Variants in PPP2R3B observed in about 807,000 individuals in gnomAD.
The protein encoded by PPP2R3B is protein phosphatase 2 regulatory subunit B''beta, also known as serine/threonine-protein phosphatase 2A regulatory subunit B'' subunit beta.
In PPP2R3B, 68 loss-of-function variants were observed where a neutral mutation model predicts 72.9. That is an observed-to-expected ratio of 0.93 (90% confidence interval 0.77 to 1.14). The LOEUF is 1.14. Ranked by LOEUF, PPP2R3B falls within the 50% of genes most tolerant of loss-of-function variation. The probability of loss-of-function intolerance (pLI) is 0.00; values close to 1 mark genes in which losing one functional copy is unlikely to be tolerated. For synonymous variants in PPP2R3B, 466 were observed against 375.8 expected (o/e 1.24, Z -2.78); for missense variants, 1,018 against 842.0 (o/e 1.21, Z -2.59).
At chrX:335,101 A>T (rs2070853815) in intron 12 of PPP2R3B, 1 of 152,360 alleles carries the variant, frequency 6.6e-6, no homozygotes, top group African/African-American at 2.4e-5. Flanking sequence ...CGCCCCCGAC[A>T]GCCTGGCACT....
At position 338,695 on chromosome X, in the gene PPP2R3B, C is replaced by G. The variant is rs745580578; in HGVS notation, c.1486G>C (p.Gly496Arg). ...TTCTCCCAGTCCGAGAGCTCGGGGC[C>G]GCCGCTGTCACCGTCCTGGAGGAAG... is the stretch of plus-strand genomic sequence containing the variant. ...ISLLRDGDSGGPELSDWEKYA... is the reference protein window; with the variant it reads ...ISLLRDGDSGRPELSDWEKYA... Residue 496 changes from glycine to arginine, a missense_variant, in exon 12 of 13, where the codon GGC (glycine) becomes CGC (arginine). Gly to Arg is a moderately radical substitution (Grantham distance 125). Transcript: ENST00000390665. 3 of 1,611,640 alleles carry G rather than the reference C, an allele frequency of 1.9e-6. No individual in the cohort carries two copies. Among genetic ancestry groups the G allele is most frequent in the African/African-American group, 2.7e-5 (2 of 74,904 alleles).
chrX:361,047 C>T (rs187760607), intron 2 of PPP2R3B, among the ~76,000 whole-genome samples: 1,683 of 152,264 alleles, frequency 0.011, 28 homozygotes, highest in African/African-American at 0.039. Context: ...GGGTGCAGAA[C>T]GGCCTCCGAG....
chrX:341,504 CCCT>C, intron 8 of PPP2R3B, 108 bp from the exon 9 acceptor site: 1 of 1,169,792 alleles, frequency 8.5e-7, no homozygotes, highest in South Asian at 1.3e-5. Flanking sequence ...CCGGGCCCGG[CCCT>C]CCTCCTGCCC....
Position 334,531 on chromosome X carries a change from A to C in PPP2R3B, c.1578-14T>G. The C allele has an allele frequency of 6.5e-7, 1 of 1,527,280 alleles. No homozygotes were observed. Among genetic ancestry groups the C allele is most frequent in the Non-Finnish European group, 8.7e-7 (1 of 1,144,618 alleles). The allele number at this position is 1,527,280 out of a possible 1,614,324, so 94.6% of individuals were successfully genotyped here. A position where few individuals can be genotyped will look rare whatever the true frequency, so the allele number is the denominator to read the frequency against. On this transcript the variant is annotated splice_polypyrimidine_tract_variant and intron_variant, in intron 12 of 12. Transcript: ENST00000390665. ...TCGGCCTCGAACCTGCAACGAGGGG[A>C]TGGCGAAGACGTGGCCAGCAGCGCG...
At chrX:385,005 A>AC (rs1288671749) in intron 1 of PPP2R3B, among the ~76,000 whole-genome samples, 2 of 150,650 alleles carry the variant, frequency 1.3e-5, no homozygotes, top group Admixed American at 6.6e-5. Flanking sequence ...AAAAAAAAAA[A>AC]ACTGATTGCA....
intron 5 of PPP2R3B, 154 bp from the exon 6 acceptor site, chrX:346,414 A>T: frequency 1.4e-6 from 1 of 733,048 alleles, no homozygotes; most frequent in Non-Finnish European, 2.2e-6. Context: ...GCCCTGCGGG[A>T]GGCGCCGCCC....
In PPP2R3B at chrX:354,225, GACCGGGGGCTCACCCAAAC is replaced by G. The variant is rs1297116002; in HGVS notation, c.511-6551_511-6533del. ...CCCAGGGACCGGGGGCTCACCCAGG[GACCGGGGGCTCACCCAAAC>G]ACTGGGGGCTCACCCAAACACCAGG... On this transcript the variant is annotated intron_variant, in intron 2 of 12. Coordinates refer to ENST00000390665, the MANE Select transcript of PPP2R3B (RefSeq NM_013239.5). Among the ~76,000 whole-genome samples, 55 of 139,932 alleles carry G rather than the reference GACCGGGGGCTCACCCAAAC, an allele frequency of 3.9e-4. 1 individual carries two copies. The highest frequency in any genetic ancestry group is 1.4e-3 in the African/African-American group (53 of 37,418). 91.8% of individuals were successfully genotyped at this position (139,932 alleles called of 152,430 possible). A position where few individuals can be genotyped will look rare whatever the true frequency, so the allele number is the denominator to read the frequency against.
At chrX:383,633 C>A (rs1167040280) in intron 1 of PPP2R3B, among the ~76,000 whole-genome samples, 1 of 151,712 alleles carries the variant, frequency 6.6e-6, no homozygotes, top group Non-Finnish European at 1.5e-5. Flanking sequence ...GTCAGGAGAT[C>A]AAGACCATCC....
chrX:379,029 C>CTG (rs761802799), intron 1 of PPP2R3B, among the ~76,000 whole-genome samples: 2 of 151,854 alleles, frequency 1.3e-5, no homozygotes, highest in Non-Finnish European at 2.9e-5. Flanking sequence ...GTACATGCAC[C>CTG]TGTGTGTGTG....
rs749540181 is a variant in PPP2R3B at position 378,909 on chromosome X, C to T, written c.324+7459G>A. Among the ~76,000 whole-genome samples the T allele has an allele frequency of 3.3e-5, 5 of 152,334 alleles. No homozygotes were observed. The East Asian group carries it at 7.7e-4, about 23-fold the overall frequency. ...CCTGGGCAAGCTCAAGGCTCCCGCA[C>T]GAAACCTTCAGAAACCCTGAGCTCC... On this transcript the variant is annotated intron_variant, in intron 1 of 12. Transcript: ENST00000390665.
intron 8 of PPP2R3B, chrX:341,652 C>T: frequency 1.5e-6 from 1 of 650,658 alleles, no homozygotes; most frequent in Non-Finnish European, 2.7e-6. Context: ...GACAAGAACC[C>T]CCGACCTGGG....
rs375036693 is a variant in PPP2R3B at position 346,169 on chromosome X, C to G, written c.879+5G>C. On this transcript the variant is annotated splice_donor_5th_base_variant and intron_variant, in intron 6 of 12. Coordinates refer to ENST00000390665, the MANE Select transcript of PPP2R3B (RefSeq NM_013239.5). ...GGGGGCAGGGGACAGGGGGCCGCTC[C>G]GCACCTGCAGGAAGGAGCTCCTCCG... The G allele has an allele frequency of 1.1e-4, 170 of 1,551,896 alleles. No homozygotes were observed. The highest frequency in any genetic ancestry group is 3.1e-5 in the Non-Finnish European group (36 of 1,151,538).
In PPP2R3B at chrX:386,602, C is replaced by A. The variant is rs2072259500; in HGVS notation, c.90G>T (p.Arg30=). Residue 30 remains arginine, a synonymous_variant, in exon 1 of 13, where the codon CGG becomes CGT. Transcript: ENST00000390665. ...LYWLSEASTQ[R]MLQDCLRRIK... Reference sequence around the variant, plus strand: ...TCCGGCGCAGGCAGTCCTGCAGCATCCGCTGCGTGCTGGCCTCGCTGAGCC... The same window carrying A: ...TCCGGCGCAGGCAGTCCTGCAGCATACGCTGCGTGCTGGCCTCGCTGAGCC... The A allele has an allele frequency of 2.1e-6, 3 of 1,448,876 alleles. No individual in the cohort carries two copies. Among genetic ancestry groups the A allele is most frequent in the Non-Finnish European group, 2.7e-6 (3 of 1,101,648 alleles). The allele number at this position is 1,448,876 out of a possible 1,614,324, so 89.8% of individuals were successfully genotyped here.
chrX:346,484 G>C, intron 5 of PPP2R3B: 1 of 629,606 alleles, frequency 1.6e-6, no homozygotes, highest in Non-Finnish European at 2.7e-6. Context: ...ACGGGCCCAG[G>C]ACAGGTGGGA....
chrX:375,665 C>T (rs187018150), intron 1 of PPP2R3B, among the ~76,000 whole-genome samples: 27 of 152,384 alleles, frequency 1.8e-4, no homozygotes, highest in Non-Finnish European at 3.4e-4. Flanking sequence ...TACACACGGA[C>T]GGCCTCCCAA....
intron 1 of PPP2R3B, among the ~76,000 whole-genome samples, chrX:364,303 C>T (rs1251170609): frequency 6.6e-6 from 1 of 151,978 alleles, no homozygotes; most frequent in African/African-American, 2.4e-5. Flanking sequence ...GGGGAGTTCT[C>T]CCCCGAGAAC....
rs183574176 is a variant in PPP2R3B, at chrX:341,291, C to T, written c.1175+16G>A. The T allele has an allele frequency of 6.5e-4, 1,049 of 1,612,182 alleles. 6 individuals are homozygous for T. In the African/African-American group the frequency reaches 0.01, roughly 16 times the overall value. ...CCCCTCCACTGGGACAAACGCATGC[C>T]GCAGCAGGAACCCACCTGGTCGGTG... On this transcript the variant is annotated intron_variant, in intron 9 of 12. Transcript: ENST00000390665.
chrX:338,279 G>A (rs6603209), intron 12 of PPP2R3B: 144,292 of 486,130 alleles, frequency 0.3, 21,985 homozygotes, highest in East Asian at 0.37. Context: ...GGTGCCAGCC[G>A]TGGGATAAGG....
chrX:385,261 C>A (rs1159238129), intron 1 of PPP2R3B, among the ~76,000 whole-genome samples: 2 of 151,566 alleles, frequency 1.3e-5, no homozygotes, highest in African/African-American at 4.8e-5. Flanking sequence ...TTGGCCAACC[C>A]ACTCAGCATA....
Sources: allele counts gnomAD v4.1 joint callset (sites outside exome capture counted in the v4.1 genomes callset), GRCh38; gene constraint gnomAD v4.1.1; transcripts MANE v1.5; gene names NCBI Gene and HGNC (gene_info 2026-07-23, HGNC 2026-07-21).